Variants in NCKAP5 observed in about 807,000 individuals in gnomAD.
NCKAP5 encodes the protein NCK associated protein 5.
A neutral mutation model predicts 167.0 loss-of-function variants in NCKAP5; 92 were observed. The ratio of observed to expected loss-of-function variants is 0.55; its 90% CI spans 0.47 to 0.66. The LOEUF (loss-of-function observed/expected upper bound fraction) is 0.66, where lower values mean the gene tolerates loss of function less well. Ranked by LOEUF, NCKAP5 falls within the 30% of genes least tolerant of loss-of-function variation. NCKAP5 has a pLI of 0.00. For missense variants in NCKAP5, 2,378 were observed against 2,315.0 expected, an observed-to-expected ratio of 1.03 and a Z score of -0.56; for synonymous variants, 891 against 877.4, an observed-to-expected ratio of 1.02 and a Z score of -0.27.
intron 8 of NCKAP5, among the ~76,000 whole-genome samples, chr2:132,957,967 A>T (rs142454719): frequency 6.6e-6 from 1 of 152,298 alleles, no homozygotes; most frequent in East Asian, 1.9e-4. Context: ...GAACCTAAGC[A>T]TAAAAATGGA....
chr2:133,504,225 A>G (rs962536833), intron 3 of NCKAP5, among the ~76,000 whole-genome samples: 1 of 150,514 alleles, frequency 6.6e-6, no homozygotes, highest in Non-Finnish European at 1.5e-5. Flanking sequence ...TCTGGGAAGA[A>G]GAAAAGGCAA....
intron 3 of NCKAP5, among the ~76,000 whole-genome samples, chr2:133,471,603 C>T (rs1041621879): frequency 3.3e-5 from 5 of 152,170 alleles, no homozygotes; most frequent in African/African-American, 1.2e-4. Flanking sequence ...CTTAGAAAGA[C>T]ACTGCCTTGG....
At chr2:133,041,536 T>C (rs775378843) in intron 6 of NCKAP5, among the ~76,000 whole-genome samples, 1 of 152,210 alleles carries the variant, frequency 6.6e-6, no homozygotes, top group South Asian at 2.1e-4. Context: ...AAGAGAAATA[T>C]GTAAAAATAT....
intron 19 of NCKAP5, among the ~76,000 whole-genome samples, chr2:132,702,138 A>G (rs760307454): frequency 9.9e-5 from 15 of 152,202 alleles, no homozygotes; most frequent in Admixed American, 2.6e-4. Context: ...ACTCCCATCC[A>G]GATTAAAATG....
At chr2:133,252,162 C>T (rs1478183262) in intron 4 of NCKAP5, among the ~76,000 whole-genome samples, 1 of 152,148 alleles carries the variant, frequency 6.6e-6, no homozygotes, top group Non-Finnish European at 1.5e-5. Flanking sequence ...TTTTCATCCC[C>T]ACATCTCCTG....
chr2:132,726,053 C>A lies in NCKAP5; in HGVS notation c.5581-294G>T, dbSNP rs1690430719. On this transcript the variant is annotated intron_variant, in intron 18 of 19. Transcript: ENST00000409261. ...AGGCTCAGGAAGGTCCCCACGGTTA[C>A]CTGGTCTGCATTTTGTACACTTCTT... 1.3e-5 allele frequency among the ~76,000 whole-genome samples: 2 copies of A among 152,170 alleles called. 1 individual carries two copies. The highest frequency in any genetic ancestry group is 4.1e-4 in the South Asian group (2 of 4,832).
chr2:132,860,580 G>T lies in NCKAP5; in HGVS notation c.719C>A (p.Thr240Lys). Residue 240 changes from threonine (T) to lysine (K), a missense_variant, in exon 11 of 20, where the codon ACA (threonine) becomes AAA (lysine). Thr to Lys is a moderately conservative substitution (Grantham distance 78). This residue lies in a region of NCKAP5 where 1,049 missense variants were observed against 1,023.4 expected (regional missense o/e 1.02). Transcript: ENST00000409261. ...CTGCTGTTCCAAATCAAACACTCTT[G>T]TTTTCAACTTCACACATTCCTCTCT... ...DLREECVKLK[T>K]RVFDLEQQNR... 1 of 1,581,388 alleles carries T rather than the reference G, an allele frequency of 6.3e-7. No homozygotes were observed. Among genetic ancestry groups the T allele is most frequent in the Non-Finnish European group, 8.6e-7 (1 of 1,161,518 alleles).
chr2:133,673,899 G>A, the NCKAP5 span, among the ~76,000 whole-genome samples: 1 of 152,190 alleles, frequency 6.6e-6, no homozygotes. Flanking sequence ...CTAAGATAGG[G>A]AACAATCAGG....
At chr2:133,188,690 T>C (rs2085065578) in intron 5 of NCKAP5, among the ~76,000 whole-genome samples, 1 of 152,010 alleles carries the variant, frequency 6.6e-6, no homozygotes, top group South Asian at 2.1e-4. Context: ...GACTACTGGG[T>C]ACGTAATGAA....
chr2:133,343,178 A>G (rs1410975793), intron 3 of NCKAP5, among the ~76,000 whole-genome samples: 1 of 152,198 alleles, frequency 6.6e-6, no homozygotes, highest in African/African-American at 2.4e-5. Flanking sequence ...CAGTGCTCAT[A>G]AGGGACAGCA....
At chr2:133,499,424 CA>C (rs1682276429) in intron 3 of NCKAP5, among the ~76,000 whole-genome samples, 1 of 152,212 alleles carries the variant, frequency 6.6e-6, no homozygotes, top group South Asian at 2.1e-4. Context: ...AACACATTTT[CA>C]AAAGGCCATG....
intron 8 of NCKAP5, among the ~76,000 whole-genome samples, chr2:132,953,120 A>T (rs2076239300): frequency 6.6e-6 from 1 of 152,226 alleles, no homozygotes; most frequent in Non-Finnish European, 1.5e-5. Flanking sequence ...TAAGTAACCA[A>T]CAGTGAGGAT....
chr2:133,286,482 G>T (rs151235891), intron 4 of NCKAP5, among the ~76,000 whole-genome samples: 2,166 of 152,248 alleles, frequency 0.014, 33 homozygotes, highest in Non-Finnish European at 0.016. Flanking sequence ...TATTCTTTGA[G>T]TTCACAAGAG....
intron 16 of NCKAP5, among the ~76,000 whole-genome samples, chr2:132,766,467 T>G (rs1036813085): frequency 6.6e-6 from 1 of 152,092 alleles, no homozygotes; most frequent in Non-Finnish European, 1.5e-5. Flanking sequence ...TTTCTTCTAG[T>G]CCCATCTGAA....
the NCKAP5 span, among the ~76,000 whole-genome samples, chr2:133,615,008 G>T: frequency 2.0e-5 from 3 of 152,038 alleles, no homozygotes; most frequent in Non-Finnish European, 2.9e-5. Context: ...CATTCTTAAA[G>T]ACAAGAATTT....
At chr2:133,638,940 G>A in the NCKAP5 span, among the ~76,000 whole-genome samples, 1 of 151,606 alleles carries the variant, frequency 6.6e-6, no homozygotes, top group Non-Finnish European at 1.5e-5. Context: ...CTTGCAATGT[G>A]TAATTGTTGC....
intron 3 of NCKAP5, among the ~76,000 whole-genome samples, chr2:133,346,755 A>T (rs1441212755): frequency 6.6e-6 from 1 of 152,234 alleles, no homozygotes; most frequent in Non-Finnish European, 1.5e-5. Flanking sequence ...TCATCCATGG[A>T]TGGCGATGCA....
intron 6 of NCKAP5, among the ~76,000 whole-genome samples, chr2:132,995,674 AC>A (rs2077575385): frequency 1.4e-5 from 2 of 140,258 alleles, no homozygotes; most frequent in Non-Finnish European, 3.1e-5. Flanking sequence ...AAACAAACAA[AC>A]AAACAAAAAA....
chr2:133,475,836 TATC>T (rs777874419), intron 3 of NCKAP5, among the ~76,000 whole-genome samples: 4 of 152,238 alleles, frequency 2.6e-5, no homozygotes, highest in African/African-American at 4.8e-5. Context: ...AATATTCTCT[TATC>T]ATAACTCCAG....
Sources: allele counts gnomAD v4.1 joint callset (sites outside exome capture counted in the v4.1 genomes callset), GRCh38; gene constraint gnomAD v4.1.1; regional missense constraint gnomAD v4.1.1; transcripts MANE v1.5; gene names NCBI Gene and HGNC (gene_info 2026-07-23, HGNC 2026-07-21).